ABCD2: variants seen among roughly 807,000 people sequenced by gnomAD.
The protein encoded by ABCD2 is ATP binding cassette subfamily D member 2.
In ABCD2, 36 loss-of-function variants were observed where a neutral mutation model predicts 70.9. That is an observed-to-expected ratio of 0.51 (90% CI 0.39 to 0.67). ABCD2 has a LOEUF of 0.67. ABCD2 is among the 30% of genes least tolerant of loss of function. The pLI is 0.00. For synonymous variants in ABCD2, 304 were observed against 306.9 expected (o/e 0.99, Z 0.10); for missense variants, 729 against 890.2 (o/e 0.82, Z 2.30).
intron 2 of ABCD2, among the ~76,000 whole-genome samples, chr12:39,609,249 C>T (rs1312020901): frequency 6.6e-6 from 1 of 152,100 alleles, no homozygotes; most frequent in Admixed American, 6.5e-5. Flanking sequence ...AGTTAGGAAT[C>T]AGACTAGGTT....
chr12:39,566,389 T>A (rs1265390133), intron 9 of ABCD2, among the ~76,000 whole-genome samples: 2 of 152,234 alleles, frequency 1.3e-5, no homozygotes, highest in Non-Finnish European at 2.9e-5. Context: ...TTTATCCATT[T>A]CTTCTAGATT....
chr12:39,614,594 A>T, intron 2 of ABCD2, among the ~76,000 whole-genome samples: 1 of 151,280 alleles, frequency 6.6e-6, no homozygotes, highest in East Asian at 1.9e-4. Flanking sequence ...CATGCACTTT[A>T]CCTCTAACAT....
chr12:39,618,331 C>T (rs146417992), intron 1 of ABCD2, among the ~76,000 whole-genome samples: 2,035 of 152,198 alleles, frequency 0.013, 21 homozygotes, highest in Middle Eastern at 0.061. Context: ...ATATTTTCTT[C>T]TGGTAGGTGC....
intron 3 of ABCD2, among the ~76,000 whole-genome samples, chr12:39,605,552 A>T (rs1348628238): frequency 1.3e-5 from 2 of 152,072 alleles, no homozygotes; most frequent in African/African-American, 4.8e-5. Flanking sequence ...TCTAGGTAAG[A>T]TTATAAGATG....
At chr12:39,590,953 A>T (rs1941737187) in intron 6 of ABCD2, among the ~76,000 whole-genome samples, 1 of 152,172 alleles carries the variant, frequency 6.6e-6, no homozygotes, top group African/African-American at 2.4e-5. Context: ...GAGGAGAAAA[A>T]AAAGTGTGAC....
intron 9 of ABCD2, among the ~76,000 whole-genome samples, chr12:39,561,731 C>T (rs1297581489): frequency 6.6e-6 from 1 of 152,102 alleles, no homozygotes; most frequent in Non-Finnish European, 1.5e-5. Context: ...AAGAAGTGAA[C>T]TACAATACGA....
At chr12:39,599,625 A>G (rs1223644295) in intron 6 of ABCD2, among the ~76,000 whole-genome samples, 3 of 152,226 alleles carry the variant, frequency 2.0e-5, no homozygotes. Context: ...TACTTTAAAG[A>G]AAAAAACCCA....
At chr12:39,611,197 A>C (rs1942040081) in intron 2 of ABCD2, among the ~76,000 whole-genome samples, 1 of 152,190 alleles carries the variant, frequency 6.6e-6, no homozygotes, top group East Asian at 1.9e-4. Flanking sequence ...TTGCAAATGT[A>C]CATCACAAAG....
intron 3 of ABCD2, among the ~76,000 whole-genome samples, chr12:39,605,606 C>A (rs925277840): frequency 6.6e-6 from 1 of 151,966 alleles, no homozygotes; most frequent in Non-Finnish European, 1.5e-5. Context: ...TGGAATGGTG[C>A]CTTGTTCCTA....
At chr12:39,579,199 T>A (rs1231094350) in intron 8 of ABCD2, among the ~76,000 whole-genome samples, 1 of 152,076 alleles carries the variant, frequency 6.6e-6, no homozygotes, top group African/African-American at 2.4e-5. Context: ...CCGTCTCTAC[T>A]AAAAACACAA....
Position 39,619,530 on chromosome 12 carries a change from G to A in ABCD2, c.86C>T (p.Ala29Val), listed in dbSNP as rs947503774. ...ATAGAGGGTTTTCAGAGCATATGCC[G>A]CAGCCACCAGGCAGGCAGCCCTCTT... ...AAKRAACLVA[A>V]AYALKTLYPI... Residue 29 changes from alanine to valine, a missense_variant, in exon 1 of 10, where the codon GCG becomes GTG. By Grantham distance (64) the Ala-to-Val change is moderately conservative (BLOSUM62 0). Coordinates refer to ENST00000308666, the MANE Select transcript of ABCD2 (RefSeq NM_005164.4). 5 of 1,611,562 alleles carry A rather than the reference G, an allele frequency of 3.1e-6. No individual in the cohort carries two copies. The Admixed American group carries it at 5.0e-5, about 16-fold the overall frequency.
chr12:39,613,891 A>C (rs1264928309), intron 2 of ABCD2, among the ~76,000 whole-genome samples: 1 of 152,226 alleles, frequency 6.6e-6, no homozygotes, highest in Non-Finnish European at 1.5e-5. Context: ...ATAGTACAGC[A>C]AATCTGCAAT....
At chr12:39,538,641 T>C in the ABCD2 span, among the ~76,000 whole-genome samples, 2 of 152,062 alleles carry the variant, frequency 1.3e-5, no homozygotes, top group African/African-American at 4.8e-5. Flanking sequence ...TAGAGATAAA[T>C]ATAGGGGATA....
At chr12:39,561,251 G>A (rs1941253861) in intron 9 of ABCD2, among the ~76,000 whole-genome samples, 1 of 150,300 alleles carries the variant, frequency 6.7e-6, no homozygotes, top group African/African-American at 2.5e-5. Flanking sequence ...AAAATAGCTG[G>A]GTTTTGTGGT....
In ABCD2 at chr12:39,606,604, A is replaced by G. The variant is rs1216976453; in HGVS notation, c.1236+995T>C. Among the ~76,000 whole-genome samples the G allele has an allele frequency of 3.3e-5, 5 of 152,132 alleles. No individual in the cohort carries two copies. In the East Asian group the frequency reaches 9.6e-4, roughly 29 times the overall value. On this transcript the variant is annotated intron_variant, in intron 3 of 9. Coordinates refer to ENST00000308666, the MANE Select transcript of ABCD2 (RefSeq NM_005164.4). The stretch of plus-strand genomic sequence containing the variant: ...AAAGACTGTGTCTCCAGATTATCAA[A>G]ATTACTATTTGAACTTTTTAAAAAA...
chr12:39,598,872 T>G (rs557632234), intron 6 of ABCD2, among the ~76,000 whole-genome samples: 1 of 152,338 alleles, frequency 6.6e-6, no homozygotes, highest in Admixed American at 6.5e-5. Flanking sequence ...ACTCTCAGTT[T>G]ACATATGGAT....
intron 9 of ABCD2, among the ~76,000 whole-genome samples, chr12:39,569,340 C>T (rs973394198): frequency 4.6e-5 from 7 of 152,354 alleles, no homozygotes; most frequent in African/African-American, 1.7e-4. Context: ...GCACCCCTCC[C>T]CAGCCTTGCT....
the ABCD2 span, among the ~76,000 whole-genome samples, chr12:39,544,187 T>C: frequency 6.6e-6 from 1 of 152,174 alleles, no homozygotes; most frequent in South Asian, 2.1e-4. Context: ...GATAAAATCA[T>C]AGAGTCGAAG....
the ABCD2 span, among the ~76,000 whole-genome samples, chr12:39,542,584 G>A: frequency 6.6e-6 from 1 of 152,118 alleles, no homozygotes; most frequent in Non-Finnish European, 1.5e-5. Context: ...GCTAATAATG[G>A]TGAAGATGGA....
Sources: allele counts gnomAD v4.1 joint callset (sites outside exome capture counted in the v4.1 genomes callset), GRCh38; gene constraint gnomAD v4.1.1; transcripts MANE v1.5; gene names NCBI Gene and HGNC (gene_info 2026-07-23, HGNC 2026-07-21).